The following FOXP2 variants were observed in gnomAD, a reference collection of about 807,000 sequenced individuals.
FOXP2 encodes the protein forkhead box P2.
FOXP2 carries 12 observed loss-of-function variants against 115.8 expected under a neutral mutation model. The observed-to-expected ratio is 0.10, with a 90% CI of 0.07 to 0.17. FOXP2 has a LOEUF of 0.17. FOXP2 is among the 10% of genes least tolerant of loss of function. The pLI, the probability that FOXP2 is intolerant of heterozygous loss-of-function variation, is 1.00. For synonymous variants in FOXP2, 328 were observed against 297.7 expected (o/e 1.10, Z -1.05); for missense variants, 629 against 843.5 (o/e 0.75, Z 3.15).
intron 3 of FOXP2, among the ~76,000 whole-genome samples, chr7:114,601,963 A>G (rs1004675034): frequency 2.6e-5 from 4 of 152,096 alleles, no homozygotes; most frequent in Non-Finnish European, 5.9e-5. Context: ...GTAAAGATCT[A>G]TATATGCATA....
chr7:114,642,793 TA>T (rs1805620769), intron 7 of FOXP2, among the ~76,000 whole-genome samples, 170 bp downstream of exon 7: 6 of 35,344 alleles, frequency 1.7e-4, no homozygotes, highest in Admixed American at 1.1e-3. Context: ...TATATATATA[TA>T]TATATATATA....
intron 3 of FOXP2, among the ~76,000 whole-genome samples, chr7:114,619,659 T>TAAA (rs1165139043): frequency 6.6e-6 from 1 of 152,124 alleles, no homozygotes; most frequent in African/African-American, 2.4e-5. Flanking sequence ...TCCAATTTTT[T>TAAA]AAAAGAAACT....
At chr7:114,150,264 C>T (rs1038724805) in intron 1 of FOXP2, among the ~76,000 whole-genome samples, 1 of 151,830 alleles carries the variant, frequency 6.6e-6, no homozygotes, top group Non-Finnish European at 1.5e-5. Flanking sequence ...GAAAGGTAGC[C>T]CTCCATTTGT....
At chr7:114,383,888 C>T (rs1026652380) in intron 2 of FOXP2, among the ~76,000 whole-genome samples, 4 of 152,160 alleles carry the variant, frequency 2.6e-5, no homozygotes, top group African/African-American at 9.7e-5. Context: ...TATTCTTTTC[C>T]AGGGTGCGTA....
rs79179829 is a variant in FOXP2, at chr7:114,609,251, T to G, written c.259-19289T>G. Among the ~76,000 whole-genome samples the G allele has an allele frequency of 2.8e-3, 422 of 151,430 alleles. 1 individual carries two copies. Among genetic ancestry groups the G allele is most frequent in the African/African-American group, 9.4e-3 (388 of 41,342 alleles). ...AGAAAGAAAGAAACCTTTATATATA[T>G]AGGCAGTCACTGTTTTTCACAGTAG... On this transcript the variant is annotated intron_variant, in intron 3 of 16. Coordinates refer to ENST00000350908, the MANE Select transcript of FOXP2 (RefSeq NM_014491.4).
intron 3 of FOXP2, among the ~76,000 whole-genome samples, chr7:114,606,841 C>T (rs1216977953): frequency 2.0e-5 from 3 of 152,166 alleles, no homozygotes; most frequent in African/African-American, 7.2e-5. Flanking sequence ...ACAAAGTTAA[C>T]TGCTGTGCTA....
chr7:114,621,455 A>G (rs1804250856), intron 3 of FOXP2, among the ~76,000 whole-genome samples: 1 of 152,060 alleles, frequency 6.6e-6, no homozygotes, highest in African/African-American at 2.4e-5. Flanking sequence ...ACATGAACTA[A>G]TCTTGGATCT....
intron 1 of FOXP2, among the ~76,000 whole-genome samples, chr7:114,132,576 T>TATGA (rs1791914804): frequency 1.5e-5 from 1 of 67,204 alleles, no homozygotes; most frequent in Non-Finnish European, 2.9e-5. Context: ...TGTGTGTGTG[T>TATGA]GTGTGTGAGA....
chr7:114,381,347 T>C (rs1792287223), intron 2 of FOXP2, among the ~76,000 whole-genome samples: 1 of 152,178 alleles, frequency 6.6e-6, no homozygotes, highest in Admixed American at 6.5e-5. Flanking sequence ...TTGGGTGGCT[T>C]GATGGCACAA....
At position 114,426,645 on chromosome 7, in the gene FOXP2, G is replaced by C. The variant is rs377588856; in HGVS notation, c.134G>C (p.Ser45Thr). 4 of 1,611,328 alleles carry C rather than the reference G, an allele frequency of 2.5e-6. No homozygotes were observed. Among genetic ancestry groups the C allele is most frequent in the Non-Finnish European group, 3.4e-6 (4 of 1,178,246 alleles). The change falls in exon 2 of 17, where the codon AGC becomes ACC. Residue 45 changes from serine to threonine, a missense_variant. Physicochemically the swap from Ser to Thr is moderately conservative, Grantham distance 58. Transcript: ENST00000350908. ...AGTGGTGACACCAGCTCTGAAGTAAGCACAGTAGAACTGCTGCATCTGCAA... is the reference window on the plus strand; with the variant it reads ...AGTGGTGACACCAGCTCTGAAGTAACCACAGTAGAACTGCTGCATCTGCAA... ...RSSGDTSSEVSTVELLHLQQQ... is the reference protein window; with the variant it reads ...RSSGDTSSEVTTVELLHLQQQ...
intron 1 of FOXP2, among the ~76,000 whole-genome samples, chr7:114,129,314 G>A (rs1791809781): frequency 6.6e-6 from 1 of 152,044 alleles, no homozygotes; most frequent in South Asian, 2.1e-4. Flanking sequence ...TTACTATCTT[G>A]CATGTTTGTC....
At chr7:114,470,238 G>A (rs974843068) in intron 2 of FOXP2, among the ~76,000 whole-genome samples, 2 of 151,992 alleles carry the variant, frequency 1.3e-5, no homozygotes, top group African/African-American at 4.8e-5. Flanking sequence ...CAGTCTCTTT[G>A]TTATACCACA....
At chr7:114,255,282 A>T (rs556578501) in intron 1 of FOXP2, among the ~76,000 whole-genome samples, 5 of 152,016 alleles carry the variant, frequency 3.3e-5, no homozygotes, top group Admixed American at 1.3e-4. Flanking sequence ...CAGATCTTAA[A>T]CTCTGTGCTG....
intron 2 of FOXP2, among the ~76,000 whole-genome samples, chr7:114,340,957 A>T (rs935784875): frequency 6.6e-6 from 1 of 151,202 alleles, no homozygotes; most frequent in African/African-American, 2.4e-5. Flanking sequence ...ATATCCTTAG[A>T]GGTAAGCTAA....
intron 16 of FOXP2, among the ~76,000 whole-genome samples, chr7:114,683,343 T>C (rs1011673957): frequency 3.9e-5 from 6 of 152,170 alleles, no homozygotes; most frequent in Non-Finnish European, 5.9e-5. Flanking sequence ...TAAGTGACAG[T>C]GCATGTGATT....
chr7:114,485,073 T>TA (rs1796717035), intron 2 of FOXP2, among the ~76,000 whole-genome samples: 1 of 151,950 alleles, frequency 6.6e-6, no homozygotes, highest in Non-Finnish European at 1.5e-5. Flanking sequence ...ATATCATTAG[T>TA]ACTAGATTTT....
At chr7:114,196,440 CT>C (rs1793909745) in intron 1 of FOXP2, among the ~76,000 whole-genome samples, 1 of 152,136 alleles carries the variant, frequency 6.6e-6, no homozygotes, top group East Asian at 1.9e-4. Context: ...GATTATTAAA[CT>C]ATATTGGAGA....
At chr7:114,396,430 A>G (rs1476040007) in intron 2 of FOXP2, among the ~76,000 whole-genome samples, 1 of 152,104 alleles carries the variant, frequency 6.6e-6, no homozygotes, top group African/African-American at 2.4e-5. Context: ...TGTCTTGGCT[A>G]TTGTGAACAG....
intron 1 of FOXP2, among the ~76,000 whole-genome samples, chr7:114,213,555 T>C (rs1794410658): frequency 6.6e-6 from 1 of 152,200 alleles, no homozygotes; most frequent in South Asian, 2.1e-4. Context: ...GGCTAAATTT[T>C]ATCTCACAGC....
Sources: gnomAD v4.1 joint callset for allele counts (sites outside exome capture counted in the v4.1 genomes callset) on GRCh38, gnomAD v4.1.1 for gene constraint, MANE v1.5 for transcripts, NCBI Gene and HGNC (gene_info 2026-07-23, HGNC 2026-07-21) for gene names.